Variants in PCOLCE2 observed in about 807,000 individuals in gnomAD.
The protein encoded by PCOLCE2 is procollagen C-endopeptidase enhancer 2.
In PCOLCE2, 42 loss-of-function variants were observed where a neutral mutation model predicts 47.0. The ratio of observed to expected loss-of-function variants is 0.89; its 90% CI spans 0.70 to 1.16. PCOLCE2 has a LOEUF of 1.16. Among genes scored for constraint, PCOLCE2 ranks in the 50% most tolerant of loss-of-function variants. PCOLCE2 has a pLI of 0.00. For missense variants in PCOLCE2, 500 were observed against 526.1 expected (o/e 0.95, Z 0.49); for synonymous variants, 169 against 191.7 (o/e 0.88, Z 0.98).
intron 2 of PCOLCE2, among the ~76,000 whole-genome samples, chr3:142,855,068 C>T (rs745893730): frequency 1.3e-5 from 2 of 152,194 alleles, no homozygotes; most frequent in South Asian, 4.1e-4. Context: ...CCTGGCACAG[C>T]CTTCTCCCTG....
chr3:142,836,240 C>T (rs1238547762), intron 5 of PCOLCE2, among the ~76,000 whole-genome samples: 1 of 152,150 alleles, frequency 6.6e-6, no homozygotes, highest in African/African-American at 2.4e-5. Context: ...GCCAGTTTTC[C>T]TTACTATCTC....
At chr3:142,849,019 G>A (rs1937361770) in intron 2 of PCOLCE2, among the ~76,000 whole-genome samples, 1 of 152,006 alleles carries the variant, frequency 6.6e-6, no homozygotes, top group Non-Finnish European at 1.5e-5. Context: ...CGGGTGTGGT[G>A]GGGGGCGCCT....
intron 8 of PCOLCE2, among the ~76,000 whole-genome samples, chr3:142,818,731 C>T (rs1259176498): frequency 6.6e-6 from 1 of 152,188 alleles, no homozygotes; most frequent in African/African-American, 2.4e-5. Context: ...CAGGCACACG[C>T]CATTGTGCCT....
chr3:142,833,178 T>C (rs568601308), intron 5 of PCOLCE2, among the ~76,000 whole-genome samples: 1 of 151,848 alleles, frequency 6.6e-6, no homozygotes, highest in South Asian at 2.1e-4. Flanking sequence ...CAGTGTGCAT[T>C]TTTTTTTTCT....
chr3:142,828,489 C>T, intron 6 of PCOLCE2, among the ~76,000 whole-genome samples: 1 of 152,124 alleles, frequency 6.6e-6, no homozygotes, highest in Admixed American at 6.5e-5. Flanking sequence ...ACAACACAGT[C>T]TACTCGGTGT....
At chr3:142,853,368 T>C (rs1409594378) in intron 2 of PCOLCE2, among the ~76,000 whole-genome samples, 1 of 152,134 alleles carries the variant, frequency 6.6e-6, no homozygotes, top group African/African-American at 2.4e-5. Context: ...CAATTAGCAG[T>C]GCTCCCCTCA....
chr3:142,848,856 A>T (rs531541075), intron 2 of PCOLCE2, among the ~76,000 whole-genome samples: 207 of 152,330 alleles, frequency 1.4e-3, no homozygotes, highest in African/African-American at 4.8e-3. Flanking sequence ...AGAAACATTT[A>T]AAAATATCAT....
intron 5 of PCOLCE2, among the ~76,000 whole-genome samples, chr3:142,838,240 T>G (rs1359411216): frequency 1.3e-5 from 2 of 152,162 alleles, no homozygotes; most frequent in African/African-American, 2.4e-5. Context: ...TTGGTGGTGC[T>G]GACTCCATGG....
Position 142,818,482 on chromosome 3 carries a change from C to G in PCOLCE2, c.1118-17G>C, listed in dbSNP as rs1017373849. On this transcript the variant is annotated splice_polypyrimidine_tract_variant and intron_variant, in intron 8 of 8. Transcript: ENST00000295992. ...AATTTAGACCTAAAGAAAGAGAATA[C>G]AGAAATTAATCTTTTTCTCTATGTA... 8.2e-6 allele frequency: 13 copies of G among 1,594,880 alleles called. No individual in the cohort carries two copies. Among genetic ancestry groups the G allele is most frequent in the Non-Finnish European group, 1.1e-5 (13 of 1,162,922 alleles).
intron 2 of PCOLCE2, among the ~76,000 whole-genome samples, chr3:142,881,375 A>G (rs942517852): frequency 1.3e-5 from 2 of 152,230 alleles, no homozygotes; most frequent in African/African-American, 4.8e-5. Flanking sequence ...AAATAATTCA[A>G]TATATTTGAA....
At chr3:142,840,801 C>T (rs966495939) in intron 4 of PCOLCE2, among the ~76,000 whole-genome samples, 2 of 152,202 alleles carry the variant, frequency 1.3e-5, no homozygotes, top group South Asian at 2.1e-4. Context: ...AAAGGCTGGG[C>T]GTGGTGGCTC....
intron 6 of PCOLCE2, among the ~76,000 whole-genome samples, chr3:142,826,121 CA>C (rs1337196807): frequency 6.6e-6 from 1 of 152,068 alleles, no homozygotes; most frequent in Non-Finnish European, 1.5e-5. Flanking sequence ...TCTCCTGCCT[CA>C]GCCTCCCGAG....
chr3:142,888,552 C>T, intron 1 of PCOLCE2: 1 of 388,962 alleles, frequency 2.6e-6, no homozygotes. Flanking sequence ...TAAGCCCCGC[C>T]ACGTGGTGGC....
intron 6 of PCOLCE2, chr3:142,827,457 A>G (rs755970701): frequency 5.6e-5 from 86 of 1,549,362 alleles, no homozygotes; most frequent in Non-Finnish European, 7.1e-5. Context: ...GGGTTGTGGG[A>G]GATAGCAGTG....
intron 7 of PCOLCE2, among the ~76,000 whole-genome samples, chr3:142,823,075 A>G (rs1286979907): frequency 2.6e-5 from 4 of 152,200 alleles, no homozygotes; most frequent in African/African-American, 9.6e-5. Flanking sequence ...CAGATTTCCA[A>G]CTTTTACTTC....
chr3:142,884,900 A>C (rs1056711509), intron 2 of PCOLCE2, among the ~76,000 whole-genome samples: 2 of 152,268 alleles, frequency 1.3e-5, no homozygotes, highest in Non-Finnish European at 2.9e-5. Context: ...CACTATCCAC[A>C]TGTGGCTATT....
chr3:142,824,916 C>T (rs1937057155), intron 6 of PCOLCE2, among the ~76,000 whole-genome samples: 1 of 152,200 alleles, frequency 6.6e-6, no homozygotes, highest in Non-Finnish European at 1.5e-5. Flanking sequence ...GTGTAAGCCA[C>T]CGCGCCCAGC....
chr3:142,846,361 C>T (rs1937328618), intron 3 of PCOLCE2, among the ~76,000 whole-genome samples: 1 of 152,106 alleles, frequency 6.6e-6, no homozygotes, highest in Non-Finnish European at 1.5e-5. Context: ...CCATGCCTGG[C>T]TAATTTTTTT....
chr3:142,877,411 G>A (rs146274391), intron 2 of PCOLCE2, among the ~76,000 whole-genome samples: 22 of 152,228 alleles, frequency 1.4e-4, no homozygotes, highest in African/African-American at 5.1e-4. Flanking sequence ...GAAACAAGTT[G>A]GCTTGTAGAC....
Sources: allele counts gnomAD v4.1 joint callset (sites outside exome capture counted in the v4.1 genomes callset), GRCh38; gene constraint gnomAD v4.1.1; transcripts MANE v1.5; gene names NCBI Gene and HGNC (gene_info 2026-07-23, HGNC 2026-07-21).